The following LYRM4 variants were observed in gnomAD, a reference collection of about 807,000 sequenced individuals.
LYRM4 encodes the protein LYR motif-containing protein 4.
Under a neutral mutation model 11.7 loss-of-function variants are expected in LYRM4, and 9 were observed. The observed-to-expected ratio is 0.77, with a 90% CI of 0.46 to 1.34. The LOEUF (loss-of-function observed/expected upper bound fraction) is 1.34, where lower values mean the gene tolerates loss of function less well. LYRM4 is among the 40% of genes most tolerant of loss of function. The probability of loss-of-function intolerance (pLI) is 0.00; values close to 1 mark genes in which losing one functional copy is unlikely to be tolerated. For missense variants in LYRM4, 133 were observed against 112.5 expected, an observed-to-expected ratio of 1.18 and a Z score of -0.82; for synonymous variants, 42 against 40.4, an observed-to-expected ratio of 1.04 and a Z score of -0.15.
chr6:5,216,776 G>T (rs775116269), intron 1 of LYRM4, 38 bp from the exon 2 acceptor site: 1 of 1,600,572 alleles, frequency 6.2e-7, no homozygotes, highest in South Asian at 1.1e-5. Flanking sequence ...AAAGGTGTCA[G>T]CGTGTCTGAG....
chr6:5,220,698 T>C (rs1006108296), intron 1 of LYRM4, among the ~76,000 whole-genome samples: 8 of 152,240 alleles, frequency 5.3e-5, no homozygotes, highest in Admixed American at 4.6e-4. Flanking sequence ...TTATGCATCT[T>C]TGAGGTCATG....
chr6:5,070,619 T>C, the LYRM4 span, among the ~76,000 whole-genome samples: 1 of 152,126 alleles, frequency 6.6e-6, no homozygotes, highest in Admixed American at 6.5e-5. Flanking sequence ...TTTACACCTG[T>C]AATCCCAGCA....
At chr6:5,182,074 A>G (rs987977592) in intron 2 of LYRM4, among the ~76,000 whole-genome samples, 58 of 152,342 alleles carry the variant, frequency 3.8e-4, no homozygotes, top group African/African-American at 1.3e-3. Flanking sequence ...TAACAAATGA[A>G]CTTCGCCCAT....
intron 2 of LYRM4, among the ~76,000 whole-genome samples, chr6:5,110,052 T>C (rs1416040917): frequency 6.6e-6 from 1 of 152,206 alleles, no homozygotes; most frequent in African/African-American, 2.4e-5. Context: ...TCCTTTTTAT[T>C]AAGTGTCTTA....
At chr6:5,065,636 A>G in the LYRM4 span, among the ~76,000 whole-genome samples, 1 of 152,372 alleles carries the variant, frequency 6.6e-6, no homozygotes, top group Non-Finnish European at 1.5e-5. Context: ...GTTTCATCCA[A>G]TATGCCAATG....
chr6:5,214,286 G>A (rs1762141379), intron 2 of LYRM4, among the ~76,000 whole-genome samples: 1 of 152,198 alleles, frequency 6.6e-6, no homozygotes, highest in Non-Finnish European at 1.5e-5. Flanking sequence ...CTGAGCACAG[G>A]CCTGGGTGGA....
At chr6:5,068,604 C>G in the LYRM4 span, among the ~76,000 whole-genome samples, 2 of 152,134 alleles carry the variant, frequency 1.3e-5, no homozygotes. The surrounding 1 kb of genome is among the most constrained non-coding windows in gnomAD (Gnocchi z 4.0). Flanking sequence ...ACCCAGGGCC[C>G]ACTGCGTGCT....
chr6:5,188,197 CA>C (rs1353010675), intron 2 of LYRM4, among the ~76,000 whole-genome samples: 3 of 151,966 alleles, frequency 2.0e-5, no homozygotes, highest in Non-Finnish European at 4.4e-5. Flanking sequence ...CAAAAACAAA[CA>C]AATGAACAAA....
chr6:5,043,520 T>TA, the LYRM4 span: 11 of 152,196 alleles, frequency 7.2e-5, no homozygotes, highest in Non-Finnish European at 1.6e-4. Context: ...AGTTTGATGT[T>TA]AAAGTGTCAC....
intron 2 of LYRM4, among the ~76,000 whole-genome samples, chr6:5,174,705 T>G (rs1424908195): frequency 6.6e-6 from 1 of 152,236 alleles, no homozygotes; most frequent in African/African-American, 2.4e-5. Context: ...ACACTTATAA[T>G]TGGTAACTGG....
chr6:5,187,740 A>G (rs1224654681), intron 2 of LYRM4, among the ~76,000 whole-genome samples: 1 of 152,186 alleles, frequency 6.6e-6, no homozygotes, highest in Non-Finnish European at 1.5e-5. Flanking sequence ...GTACCCTAGA[A>G]CTTAAAGTAC....
chr6:5,036,961 A>G, the LYRM4 span, among the ~76,000 whole-genome samples: 1 of 151,850 alleles, frequency 6.6e-6, no homozygotes, highest in Non-Finnish European at 1.5e-5. Flanking sequence ...TAGGTCTCTG[A>G]AGCACATCAC....
chr6:5,050,601 A>G, the LYRM4 span, among the ~76,000 whole-genome samples: 8 of 152,290 alleles, frequency 5.3e-5, no homozygotes. Context: ...ATCAACAACA[A>G]CAACATATAC....
intron 1 of LYRM4, among the ~76,000 whole-genome samples, chr6:5,231,563 T>C (rs1273231879): frequency 6.6e-6 from 1 of 152,216 alleles, no homozygotes; most frequent in Admixed American, 6.5e-5. Flanking sequence ...TCCCTGTGTC[T>C]ACTAAAAAAA....
intron 2 of LYRM4, among the ~76,000 whole-genome samples, chr6:5,216,083 C>T (rs539874470): frequency 2.6e-5 from 4 of 152,188 alleles, no homozygotes; most frequent in South Asian, 4.1e-4. Flanking sequence ...TTCCACAAAA[C>T]GAAAACTAAC....
intron 2 of LYRM4, among the ~76,000 whole-genome samples, chr6:5,173,684 T>C: frequency 6.6e-6 from 1 of 152,228 alleles, no homozygotes. Flanking sequence ...AATTCTTTGA[T>C]TGAGTACTAT....
chr6:5,100,823 A>C (rs550419130), downstream of LYRM4, among the ~76,000 whole-genome samples: 96 of 152,284 alleles, frequency 6.3e-4, no homozygotes, highest in African/African-American at 2.2e-3. Context: ...GTCTTTCAGG[A>C]TCAAAGTGCT....
In LYRM4 at chr6:5,147,482, T is replaced by C. The variant is rs1392587022; in HGVS notation, c.208-37991A>G. On this transcript the variant is annotated intron_variant, in intron 2 of 2. Coordinates refer to ENST00000330636, the MANE Select transcript of LYRM4 (RefSeq NM_020408.6). ...GATGGTGTCCTCTTTCTCTGAAAAC[T>C]GGGGATCAATGTGAGGTTACAGTTG... is the stretch of plus-strand genomic sequence containing the variant. Among the ~76,000 whole-genome samples, 7 of 152,294 alleles carry C rather than the reference T, an allele frequency of 4.6e-5. No homozygotes were observed. The East Asian group carries it at 5.8e-4, about 13-fold the overall frequency.
At chr6:5,072,915 A>T in the LYRM4 span, among the ~76,000 whole-genome samples, 5 of 152,328 alleles carry the variant, frequency 3.3e-5, no homozygotes, top group East Asian at 9.6e-4. Context: ...AGAATAAGAA[A>T]ATCACATTTA....
Sources: allele counts gnomAD v4.1 joint callset (sites outside exome capture counted in the v4.1 genomes callset), GRCh38; gene constraint gnomAD v4.1.1; non-coding constraint Gnocchi (gnomAD v3.1); transcripts MANE v1.5; gene names NCBI Gene and HGNC (gene_info 2026-07-23, HGNC 2026-07-21).